Variants in EXOC6B observed in about 807,000 individuals in gnomAD.
The protein encoded by EXOC6B is exocyst complex component 6B, also known as SEC15 homolog B.
In EXOC6B, 54 loss-of-function variants were observed where a neutral mutation model predicts 113.5. The ratio of observed to expected loss-of-function variants is 0.48; its 90% CI spans 0.38 to 0.60. The LOEUF is 0.60. Ranked by LOEUF, EXOC6B falls within the 20% of genes least tolerant of loss-of-function variation. EXOC6B has a pLI of 0.00. For synonymous variants in EXOC6B, 357 were observed against 339.0 expected, an observed-to-expected ratio of 1.05 and a Z score of -0.58; for missense variants, 797 against 977.5, an observed-to-expected ratio of 0.82 and a Z score of 2.46.
chr2:72,755,162 C>T (rs1013056398), intron 1 of EXOC6B, among the ~76,000 whole-genome samples: 2 of 152,060 alleles, frequency 1.3e-5, no homozygotes, highest in Non-Finnish European at 2.9e-5. Flanking sequence ...ACCAGGAGTA[C>T]TGTCATCTTG....
chr2:72,436,751 A>C (rs1695898084), intron 18 of EXOC6B, among the ~76,000 whole-genome samples: 1 of 151,992 alleles, frequency 6.6e-6, no homozygotes, highest in South Asian at 2.1e-4. Flanking sequence ...CAGCTCCATC[A>C]GGTCCCTTAT....
chr2:72,600,964 G>C (rs555207187), intron 6 of EXOC6B, among the ~76,000 whole-genome samples: 1 of 151,624 alleles, frequency 6.6e-6, no homozygotes, highest in Non-Finnish European at 1.5e-5. Context: ...AAAAAAAAAG[G>C]GAAAGGATTC....
chr2:72,314,803 T>TA (rs1347345643), intron 20 of EXOC6B, among the ~76,000 whole-genome samples: 2 of 152,196 alleles, frequency 1.3e-5, no homozygotes, highest in Non-Finnish European at 2.9e-5. Flanking sequence ...ACTTAGTACT[T>TA]AAAACTAAGG....
At chr2:72,356,288 T>A (rs1442698513) in intron 19 of EXOC6B, among the ~76,000 whole-genome samples, 3 of 152,218 alleles carry the variant, frequency 2.0e-5, no homozygotes, top group Admixed American at 6.5e-5. Context: ...CTATGGCAAC[T>A]CTGATCTCAT....
chr2:72,786,409 C>T (rs753780036), intron 1 of EXOC6B, among the ~76,000 whole-genome samples: 1 of 152,186 alleles, frequency 6.6e-6, no homozygotes, highest in Non-Finnish European at 1.5e-5. Flanking sequence ...GAGCAAAATA[C>T]TATCCCTCCT....
chr2:72,494,722 T>C (rs1699941153), intron 15 of EXOC6B, among the ~76,000 whole-genome samples: 1 of 152,136 alleles, frequency 6.6e-6, no homozygotes, highest in South Asian at 2.1e-4. Context: ...TGTATGTTGC[T>C]CCAGCACTTA....
chr2:72,716,982 T>C (rs1198540634), intron 6 of EXOC6B, among the ~76,000 whole-genome samples: 1 of 152,184 alleles, frequency 6.6e-6, no homozygotes, highest in East Asian at 1.9e-4. Flanking sequence ...CATTCCTGTA[T>C]TCAAAATACG....
intron 6 of EXOC6B, among the ~76,000 whole-genome samples, chr2:72,708,988 C>T (rs903754243): frequency 9.5e-5 from 12 of 125,816 alleles, no homozygotes; most frequent in African/African-American, 3.2e-4. Flanking sequence ...AAGTGATCTT[C>T]CCACCTCAGC....
At chr2:72,179,987 A>T (rs533938842) in intron 21 of EXOC6B, among the ~76,000 whole-genome samples, 1 of 152,296 alleles carries the variant, frequency 6.6e-6, no homozygotes, top group Non-Finnish European at 1.5e-5. Flanking sequence ...CTAGCTGGCT[A>T]CTCTATCCTA....
intron 6 of EXOC6B, among the ~76,000 whole-genome samples, chr2:72,660,494 T>C (rs1418262959): frequency 6.6e-6 from 1 of 152,194 alleles, no homozygotes; most frequent in Non-Finnish European, 1.5e-5. Flanking sequence ...AAACTTTGTC[T>C]CCACCAATGC....
intron 20 of EXOC6B, among the ~76,000 whole-genome samples, chr2:72,290,030 G>C (rs1351050488): frequency 6.6e-6 from 1 of 152,116 alleles, no homozygotes; most frequent in Non-Finnish European, 1.5e-5. Context: ...GTTTTTATTT[G>C]CCTTTGGACT....
At chr2:72,554,297 G>C (rs1397830830) in intron 8 of EXOC6B, among the ~76,000 whole-genome samples, 1 of 152,154 alleles carries the variant, frequency 6.6e-6, no homozygotes, top group Non-Finnish European at 1.5e-5. Flanking sequence ...AAAGAGCAGA[G>C]AACTTTCAAT....
intron 8 of EXOC6B, among the ~76,000 whole-genome samples, chr2:72,543,807 G>A (rs1266482029): frequency 6.6e-6 from 1 of 152,136 alleles, no homozygotes; most frequent in Non-Finnish European, 1.5e-5. Context: ...AACCTCACCA[G>A]GCACTAGTGG....
intron 1 of EXOC6B, among the ~76,000 whole-genome samples, chr2:72,781,572 C>A (rs1684037696): frequency 6.6e-6 from 1 of 152,188 alleles, no homozygotes; most frequent in South Asian, 2.1e-4. Flanking sequence ...AGACAATAAA[C>A]AAATGAGTAT....
rs111532661 is a variant in EXOC6B, at chr2:72,585,646, A to T, written c.670-9978T>A. On this transcript the variant is annotated intron_variant, in intron 6 of 21. Coordinates refer to ENST00000272427, the MANE Select transcript of EXOC6B (RefSeq NM_015189.3). ...AAGAGATACCACAGAAATATAAAAGATCCTCAGGGCCTAGTATGAACACCA... is the reference window on the plus strand; with the variant it reads ...AAGAGATACCACAGAAATATAAAAGTTCCTCAGGGCCTAGTATGAACACCA... Among the ~76,000 whole-genome samples, 798 of 152,148 alleles carry T rather than the reference A, an allele frequency of 5.2e-3. 13 individuals are homozygous for T. Among genetic ancestry groups the T allele is most frequent in the African/African-American group, 0.018 (735 of 41,494 alleles).
intron 20 of EXOC6B, among the ~76,000 whole-genome samples, chr2:72,258,323 G>A (rs555392457): frequency 9.3e-4 from 139 of 149,758 alleles, no homozygotes; most frequent in Middle Eastern, 3.5e-3. Flanking sequence ...TGGAATAGAT[G>A]CTCTATGAAT....
intron 19 of EXOC6B, among the ~76,000 whole-genome samples, chr2:72,367,594 C>A (rs748321811): frequency 1.3e-5 from 2 of 151,764 alleles, no homozygotes; most frequent in African/African-American, 4.8e-5. Flanking sequence ...TGAGCAATCA[C>A]GCTACCTAGA....
At chr2:72,664,119 G>A (rs1051191915) in intron 6 of EXOC6B, among the ~76,000 whole-genome samples, 2 of 152,116 alleles carry the variant, frequency 1.3e-5, no homozygotes, top group Non-Finnish European at 2.9e-5. Flanking sequence ...GCCAGCCTGG[G>A]CAACATAGCA....
chr2:72,203,759 A>G (rs7597679), intron 20 of EXOC6B, among the ~76,000 whole-genome samples: 41,082 of 152,112 alleles, frequency 0.27, 8,964 homozygotes, highest in African/African-American at 0.61. Flanking sequence ...GGTACAACAG[A>G]GGTATTTCCC....
Sources: gnomAD v4.1 joint callset for allele counts (sites outside exome capture counted in the v4.1 genomes callset) on GRCh38, gnomAD v4.1.1 for gene constraint, MANE v1.5 for transcripts, NCBI Gene and HGNC (gene_info 2026-07-23, HGNC 2026-07-21) for gene names.